SLC22A16: variants seen among roughly 807,000 people sequenced by gnomAD.
SLC22A16 encodes WUGSC:RG331P03.1.
SLC22A16 carries 53 observed loss-of-function variants against 52.9 expected under a neutral mutation model. That is an observed-to-expected ratio of 1.00 (90% confidence interval 0.80 to 1.26). The LOEUF is 1.26. SLC22A16 is among the 50% of genes most tolerant of loss of function. The pLI, the probability that SLC22A16 is intolerant of heterozygous loss-of-function variation, is 0.00. For missense variants in SLC22A16, 726 were observed against 704.0 expected, an observed-to-expected ratio of 1.03 and a Z score of -0.35; for synonymous variants, 291 against 268.8, an observed-to-expected ratio of 1.08 and a Z score of -0.81.
intron 4 of SLC22A16, among the ~76,000 whole-genome samples, chr6:110,440,653 C>A (rs767286726): frequency 4.6e-5 from 7 of 151,770 alleles, no homozygotes; most frequent in Non-Finnish European, 1.0e-4. Context: ...GGCATGTGCC[C>A]GTAATATCAT....
At chr6:110,470,062 C>A (rs1455176233) in intron 1 of SLC22A16, among the ~76,000 whole-genome samples, 1 of 152,132 alleles carries the variant, frequency 6.6e-6, no homozygotes, top group Non-Finnish European at 1.5e-5. Flanking sequence ...TAGTTTTTAA[C>A]TAAAGGAGTA....
At chr6:110,469,276 C>T (rs992889635) in intron 1 of SLC22A16, among the ~76,000 whole-genome samples, 5 of 152,186 alleles carry the variant, frequency 3.3e-5, no homozygotes, top group Non-Finnish European at 5.9e-5. Flanking sequence ...TGCCTATAAT[C>T]CCAGCACTTT....
At chr6:110,428,276 G>A (rs1448750849) in intron 7 of SLC22A16, among the ~76,000 whole-genome samples, 1 of 151,964 alleles carries the variant, frequency 6.6e-6, no homozygotes, top group African/African-American at 2.4e-5. Context: ...CAAACAATAG[G>A]TAATACTCCT....
intron 2 of SLC22A16, among the ~76,000 whole-genome samples, chr6:110,451,958 A>T (rs1287318172): frequency 2.0e-5 from 3 of 152,248 alleles, no homozygotes; most frequent in Non-Finnish European, 4.4e-5. Context: ...TTAGAAAATG[A>T]ATCCAGTTGT....
intron 6 of SLC22A16, among the ~76,000 whole-genome samples, chr6:110,435,538 T>A (rs1199527570): frequency 6.6e-6 from 1 of 152,192 alleles, no homozygotes; most frequent in Non-Finnish European, 1.5e-5. Flanking sequence ...ACAATTGGCA[T>A]CAGAACATCG....
chr6:110,463,962 G>A (rs1775980013), intron 1 of SLC22A16, among the ~76,000 whole-genome samples: 1 of 149,774 alleles, frequency 6.7e-6, no homozygotes, highest in South Asian at 2.1e-4. Context: ...GACCACAGAG[G>A]AATAAAATTA....
At chr6:110,438,565 A>C (rs1327907605) in intron 5 of SLC22A16, among the ~76,000 whole-genome samples, 155 bp downstream of exon 5, 1 of 151,948 alleles carries the variant, frequency 6.6e-6, no homozygotes, top group Non-Finnish European at 1.5e-5. Context: ...ATATAACAGA[A>C]AAAGAATGTT....
At chr6:110,456,361 C>G (rs1225838571) in intron 2 of SLC22A16, 177 bp downstream of exon 2, 1 of 865,896 alleles carries the variant, frequency 1.2e-6, no homozygotes, top group African/African-American at 1.7e-5. Flanking sequence ...GGTATACTGT[C>G]TTCAGAGCCT....
Position 110,476,601 on chromosome 6 carries a change from T to C in SLC22A16, c.-27A>G. On this transcript the variant is annotated 5_prime_UTR_variant, in exon 1 of 8. Transcript: ENST00000368919. ...GTGCGGCCGTGCACTGGGCGCCGAG[T>C]TAGCCGAGCTCCGGGGACTGCGGGT... The C allele has an allele frequency of 6.6e-7, 1 of 1,518,560 alleles. No individual in the cohort carries two copies. Among genetic ancestry groups the C allele is most frequent in the Non-Finnish European group, 8.8e-7 (1 of 1,134,730 alleles). 94.1% of individuals were successfully genotyped at this position (1,518,560 alleles called of 1,614,324 possible). A position where few individuals can be genotyped will look rare whatever the true frequency, so the allele number is the denominator to read the frequency against.
In SLC22A16 at chr6:110,456,524, A is replaced by G. The variant is rs1775659658; in HGVS notation, c.533+14T>C. 1 of 1,612,742 alleles carries G rather than the reference A, an allele frequency of 6.2e-7. No homozygotes were observed. The highest frequency in any genetic ancestry group is 2.2e-5 in the East Asian group (1 of 44,850). ...CCCTACACTGATACAACAATCCTAAATATTTGATTTTACCTGTCAGAAAAG... is the reference window on the plus strand; with the variant it reads ...CCCTACACTGATACAACAATCCTAAGTATTTGATTTTACCTGTCAGAAAAG... On this transcript the variant is annotated intron_variant, in intron 2 of 7. Transcript: ENST00000368919.
At chr6:110,454,468 G>A (rs934090102) in intron 2 of SLC22A16, among the ~76,000 whole-genome samples, 8 of 146,652 alleles carry the variant, frequency 5.5e-5, no homozygotes, top group Non-Finnish European at 1.2e-4. Flanking sequence ...ACTTCTCAAG[G>A]ACTTTAAAAA....
chr6:110,467,225 CTCTT>C (rs1562300769), intron 1 of SLC22A16, among the ~76,000 whole-genome samples: 1 of 151,988 alleles, frequency 6.6e-6, no homozygotes, highest in African/African-American at 2.4e-5. Flanking sequence ...GATTTTCAGT[CTCTT>C]TATCCTTCAC....
At chr6:110,425,495 A>C in intron 7 of SLC22A16, 1 of 966,360 alleles carries the variant, frequency 1.0e-6, no homozygotes, top group Non-Finnish European at 1.4e-6. Context: ...GGACTGTCTT[A>C]GTCAACCCTG....
Position 110,424,914 on chromosome 6 carries a change from T to C in SLC22A16, c.1693A>G (p.Thr565Ala), listed in dbSNP as rs1562272474. The C allele has an allele frequency of 6.2e-7, 1 of 1,614,118 alleles. No homozygotes were observed. The highest frequency in any genetic ancestry group is 2.2e-5 in the East Asian group (1 of 44,868). ...LTTNNSGLEK[T>A]EAITPRDSGL... Reference sequence around the variant, plus strand: ...GAATCCCTGGGGGTAATCGCTTCCGTTTTTTCCAGCCCACTATTATTAGTT... The same window carrying C: ...GAATCCCTGGGGGTAATCGCTTCCGCTTTTTCCAGCCCACTATTATTAGTT... The change falls in exon 8 of 8, where the codon ACG becomes GCG. Residue 565 changes from threonine (T) to alanine (A), a missense_variant. Physicochemically the swap from Thr to Ala is moderately conservative, Grantham distance 58. Transcript: ENST00000368919.
intron 7 of SLC22A16, among the ~76,000 whole-genome samples, chr6:110,428,282 C>A (rs910077377): frequency 6.6e-6 from 1 of 151,820 alleles, no homozygotes; most frequent in Non-Finnish European, 1.5e-5. Flanking sequence ...ATAGGTAATA[C>A]TCCTTAGATC....
chr6:110,457,673 C>T (rs1775716748), intron 1 of SLC22A16, among the ~76,000 whole-genome samples: 1 of 152,106 alleles, frequency 6.6e-6, no homozygotes, highest in African/African-American at 2.4e-5. Context: ...AAAAACCAGG[C>T]CATACAGAGA....
rs369175291 is a variant in SLC22A16, at chr6:110,461,817, A to G, written c.54-4800T>C. ...ACTACAGCCACACCCTCAAGTGAAAAAAGAATACAAACTTTAAAAGTTTCA... is the reference window on the plus strand; with the variant it reads ...ACTACAGCCACACCCTCAAGTGAAAGAAGAATACAAACTTTAAAAGTTTCA... On this transcript the variant is annotated intron_variant, in intron 1 of 7. Coordinates refer to ENST00000368919, the MANE Select transcript of SLC22A16 (RefSeq NM_033125.4). 2.6e-5 allele frequency among the ~76,000 whole-genome samples: 4 copies of G among 152,366 alleles called. No homozygotes were observed. The East Asian group carries it at 5.8e-4, about 22-fold the overall frequency.
At chr6:110,450,216 C>T (rs551890410) in intron 2 of SLC22A16, among the ~76,000 whole-genome samples, 5 of 152,232 alleles carry the variant, frequency 3.3e-5, no homozygotes, top group Admixed American at 3.3e-4. Flanking sequence ...GTGTCTATCT[C>T]ACAGACCTCT....
At chr6:110,431,141 C>T (rs762479474) in intron 7 of SLC22A16, 30 bp downstream of exon 7, 5 of 1,595,340 alleles carry the variant, frequency 3.1e-6, no homozygotes, top group East Asian at 4.5e-5. Flanking sequence ...TCCGTGCCCC[C>T]TTGGGGAGGG....
Sources: allele counts gnomAD v4.1 joint callset (sites outside exome capture counted in the v4.1 genomes callset), GRCh38; gene constraint gnomAD v4.1.1; transcripts MANE v1.5; gene names NCBI Gene and HGNC (gene_info 2026-07-23, HGNC 2026-07-21).